The following SLCO4A1 variants were observed in gnomAD, a reference collection of about 807,000 sequenced individuals.
SLCO4A1 encodes the protein solute carrier organic anion transporter family member 4A1, also known as colon organic anion transporter.
SLCO4A1 carries 51 observed loss-of-function variants against 64.6 expected under a neutral mutation model. The ratio of observed to expected loss-of-function variants is 0.79; its 90% confidence interval spans 0.63 to 1.00. SLCO4A1 has a LOEUF of 1.00. Among genes scored for constraint, SLCO4A1 ranks in the 50% least tolerant of loss-of-function variants. SLCO4A1 has a pLI of 0.00. For synonymous variants in SLCO4A1, 471 were observed against 444.9 expected (o/e 1.06, Z -0.74); for missense variants, 919 against 980.5 (o/e 0.94, Z 0.84).
intron 5 of SLCO4A1, among the ~76,000 whole-genome samples, chr20:62,662,559 C>T (rs1985186510): frequency 6.6e-6 from 1 of 152,234 alleles, no homozygotes; most frequent in Non-Finnish European, 1.5e-5. Context: ...TTATTAAAGT[C>T]ATGACTAATT....
intron 2 of SLCO4A1, among the ~76,000 whole-genome samples, chr20:62,682,788 C>T (rs1237306574): frequency 6.6e-6 from 1 of 152,128 alleles, no homozygotes; most frequent in Non-Finnish European, 1.5e-5. Flanking sequence ...ATCATGTCAC[C>T]CCCGACTTAG....
At position 62,666,358 on chromosome 20, in the gene SLCO4A1, CTG is replaced by C. The variant is rs1191194481; in HGVS notation, c.1277-21_1277-20del. 11 of 1,608,284 alleles carry C rather than the reference CTG, an allele frequency of 6.8e-6. No homozygotes were observed. The African/African-American group carries it at 1.5e-4, about 22-fold the overall frequency. On this transcript the variant is annotated intron_variant, in intron 6 of 11. Coordinates refer to ENST00000217159, the MANE Select transcript of SLCO4A1 (RefSeq NM_016354.4). ...CACGGCCCCCTGCCTGAGTCCCTGGCTGAATCCCTCCCTCTCCCCAGGGTACC... is the reference window on the plus strand; with the variant it reads ...CACGGCCCCCTGCCTGAGTCCCTGGCAATCCCTCCCTCTCCCCAGGGTACC...
intron 3 of SLCO4A1, among the ~76,000 whole-genome samples, chr20:62,660,137 A>C (rs1341343907): frequency 1.3e-5 from 2 of 152,152 alleles, no homozygotes; most frequent in African/African-American, 4.8e-5. Flanking sequence ...CCGTGGTCTC[A>C]GGACCAGGCC....
Position 62,656,689 on chromosome 20 carries a change from T to G in SLCO4A1, c.235T>G (p.Ser79Ala). 2 of 1,609,504 alleles carry G rather than the reference T, an allele frequency of 1.2e-6. No homozygotes were observed. The highest frequency in any genetic ancestry group is 1.7e-6 in the Non-Finnish European group (2 of 1,178,422). The change falls in exon 2 of 12, where the codon TCG (serine) becomes GCG (alanine). Residue 79 changes from serine (S) to alanine (A), a missense_variant. Transcript: ENST00000217159. ...ARGTHEVRYV[S>A]AGQSVACGWW... ...GGGGACCCATGAGGTGCGGTACGTCTCGGCCGGGCAGAGCGTGGCGTGCGG... is the reference window on the plus strand; with the variant it reads ...GGGGACCCATGAGGTGCGGTACGTCGCGGCCGGGCAGAGCGTGGCGTGCGG...
chr20:62,647,965 G>A (rs1478840122), intron 1 of SLCO4A1, among the ~76,000 whole-genome samples: 1 of 152,254 alleles, frequency 6.6e-6, no homozygotes, highest in Non-Finnish European at 1.5e-5. Flanking sequence ...CCAGCATGAG[G>A]AAATCGGAAG....
rs773045089 is a variant in SLCO4A1 at position 62,656,966 on chromosome 20, G to A, written c.512G>A (p.Arg171His). The A allele has an allele frequency of 5.1e-6, 8 of 1,563,960 alleles. No individual in the cohort carries two copies. In the Admixed American group the frequency reaches 6.9e-5, roughly 13 times the overall value. The change falls in exon 2 of 12, where the codon CGC (arginine) becomes CAC (histidine). Residue 171 changes from arginine to histidine, a missense_variant. Coordinates refer to ENST00000217159, the MANE Select transcript of SLCO4A1 (RefSeq NM_016354.4). ...SYFGGSGHKPRWLGWGVLLMG... is the reference protein window; with the variant it reads ...SYFGGSGHKPHWLGWGVLLMG... ...TTCGGGGGCTCAGGGCACAAGCCGCGCTGGCTGGGCTGGGGCGTGCTGCTT... is the reference window on the plus strand; with the variant it reads ...TTCGGGGGCTCAGGGCACAAGCCGCACTGGCTGGGCTGGGGCGTGCTGCTT...
At chr20:62,658,207 T>C in intron 2 of SLCO4A1, among the ~76,000 whole-genome samples, 1 of 152,242 alleles carries the variant, frequency 6.6e-6, no homozygotes, top group East Asian at 1.9e-4. Context: ...CACCTGGCAG[T>C]GCTCGTCCCA....
intron 1 of SLCO4A1, among the ~76,000 whole-genome samples, chr20:62,652,763 C>T (rs1388944878): frequency 1.3e-5 from 2 of 152,242 alleles, no homozygotes; most frequent in Non-Finnish European, 2.9e-5. Context: ...CGCGGGCACC[C>T]AGGGAGCAGG....
Position 62,666,439 on chromosome 20 carries a change from A to G in SLCO4A1, c.1336A>G (p.Lys446Glu). Residue 446 changes from lysine to glutamate, a missense_variant, in exon 7 of 12, where the codon AAG becomes GAG. Lys to Glu is a moderately conservative substitution (Grantham distance 56). Transcript: ENST00000217159. ...CTTCCTGGGCGGCTTCTTTGTGAAC[A>G]AGCTCAGGCTCCGGGGCTCCGCGGT... is the stretch of plus-strand genomic sequence containing the variant. ...GTFLGGFFVN[K>E]LRLRGSAVIK... 1 of 1,613,236 alleles carries G rather than the reference A, an allele frequency of 6.2e-7. No individual in the cohort carries two copies. The highest frequency in any genetic ancestry group is 2.2e-5 in the East Asian group (1 of 44,810).
At chr20:62,663,813 CTT>C (rs1985535043) in intron 5 of SLCO4A1, among the ~76,000 whole-genome samples, 1 of 152,228 alleles carries the variant, frequency 6.6e-6, no homozygotes, top group African/African-American at 2.4e-5. Flanking sequence ...CCGAGCCTCT[CTT>C]TGCAGAGGCG....
In SLCO4A1 at chr20:62,669,086, G is replaced by T; in HGVS notation, c.2025+8G>T. The T allele has an allele frequency of 6.2e-7, 1 of 1,607,634 alleles. No homozygotes were observed. On this transcript the variant is annotated splice_region_variant and intron_variant, in intron 11 of 11. Coordinates refer to ENST00000217159, the MANE Select transcript of SLCO4A1 (RefSeq NM_016354.4). The stretch of plus-strand genomic sequence containing the variant: ...ATGGGGCTCCTGTACAAGGTAAGCA[G>T]GCCCAGGGAGGGGACAGAGGGTCTG...
rs1984997446 is a variant in SLCO4A1 at position 62,661,862 on chromosome 20, G to A, written c.1121+687G>A. 6.6e-6 allele frequency among the ~76,000 whole-genome samples: 1 copy of A among 151,716 alleles called. No homozygotes were observed. Among genetic ancestry groups the A allele is most frequent in the Admixed American group, 6.6e-5 (1 of 15,254 alleles). On this transcript the variant is annotated intron_variant, in intron 5 of 11. Coordinates refer to ENST00000217159, the MANE Select transcript of SLCO4A1 (RefSeq NM_016354.4). The surrounding 1 kb of genome is among the most constrained non-coding windows in gnomAD (Gnocchi z 5.2). ...GGCCCTGAGCCGGTGGGGTCCTAGAGGGACAACAGAGGGGCCCGGGCCCTC... is the reference window on the plus strand; with the variant it reads ...GGCCCTGAGCCGGTGGGGTCCTAGAAGGACAACAGAGGGGCCCGGGCCCTC...
intron 3 of SLCO4A1, among the ~76,000 whole-genome samples, chr20:62,659,824 C>T (rs1268018728): frequency 6.6e-6 from 1 of 152,260 alleles, no homozygotes; most frequent in African/African-American, 2.4e-5. Flanking sequence ...AGACACATCC[C>T]CGAAAGCCCA....
downstream of SLCO4A1, among the ~76,000 whole-genome samples, chr20:62,673,117 C>T (rs532577106): frequency 7.0e-6 from 1 of 142,630 alleles, no homozygotes; most frequent in African/African-American, 2.5e-5. Context: ...CTCACCAGGA[C>T]GCTTGTGTGG....
chr20:62,664,228 C>T (rs1283146803), intron 5 of SLCO4A1, among the ~76,000 whole-genome samples: 1 of 152,050 alleles, frequency 6.6e-6, no homozygotes, highest in African/African-American at 2.4e-5. Context: ...CAGGCCCATG[C>T]ACCAAGGACT....
Position 62,661,041 on chromosome 20 carries a change from C to CCCCCCCCCCCCCCCA in SLCO4A1, c.1010-23_1010-22insCCCCCCCCCCCCCCA. ...TCCGGGAGCCCCCAGCCCCCAGCCCCAGCTCACTCTGTGCCCTTCCAGGCT... is the reference window on the plus strand; with the variant it reads ...TCCGGGAGCCCCCAGCCCCCAGCCCCCCCCCCCCCCCCCCAAGCTCACTCTGTGCCCTTCCAGGCT... On this transcript the variant is annotated intron_variant, in intron 4 of 11. Transcript: ENST00000217159. The surrounding 1 kb of genome is among the most constrained non-coding windows in gnomAD (Gnocchi z 5.2). 7.0e-6 allele frequency: 10 copies of CCCCCCCCCCCCCCCA among 1,424,136 alleles called. No homozygotes were observed. Among genetic ancestry groups the CCCCCCCCCCCCCCCA allele is most frequent in the Non-Finnish European group, 9.9e-6 (10 of 1,010,138 alleles). The allele number at this position is 1,424,136 out of a possible 1,614,324, so 88.2% of individuals were successfully genotyped here.
intron 2 of SLCO4A1, 86 bp downstream of exon 2, chr20:62,657,336 C>A: frequency 8.0e-7 from 1 of 1,253,444 alleles, no homozygotes; most frequent in South Asian, 1.5e-5. Flanking sequence ...GAGCCAGCCC[C>A]GCCCCCTGCC....
chr20:62,665,279 G>A (rs1985901826), intron 6 of SLCO4A1, 191 bp downstream of exon 6: 1 of 595,006 alleles, frequency 1.7e-6, no homozygotes, highest in Non-Finnish European at 2.8e-6. Flanking sequence ...GGAGAGTGGT[G>A]GTCCTGCCCT....
At chr20:62,690,259 C>T (rs1325863845), downstream of SLCO4A1, among the ~76,000 whole-genome samples, 2 of 152,238 alleles carry the variant, frequency 1.3e-5, no homozygotes, top group African/African-American at 4.8e-5. Context: ...AGACAGACAA[C>T]CTCTGGGTGT....
Sources: allele counts gnomAD v4.1 joint callset (sites outside exome capture counted in the v4.1 genomes callset), GRCh38; gene constraint gnomAD v4.1.1; non-coding constraint Gnocchi (gnomAD v3.1); transcripts MANE v1.5; gene names NCBI Gene and HGNC (gene_info 2026-07-23, HGNC 2026-07-21).